Variants in SUCLA2 observed in about 807,000 individuals in gnomAD.
The protein encoded by SUCLA2 is succinate-CoA ligase ADP-forming subunit beta.
A neutral mutation model predicts 54.8 loss-of-function variants in SUCLA2; 30 were observed. That is an observed-to-expected ratio of 0.55 (90% CI 0.41 to 0.74). SUCLA2 has a LOEUF of 0.74. Among genes scored for constraint, SUCLA2 ranks in the 30% least tolerant of loss-of-function variants. SUCLA2 has a pLI of 0.00. For missense variants in SUCLA2, 476 were observed against 562.9 expected (o/e 0.85, Z 1.56); for synonymous variants, 172 against 188.9 (o/e 0.91, Z 0.74).
At chr13:47,994,881 T>C in intron 2 of SUCLA2, 1 of 985,100 alleles carries the variant, frequency 1.0e-6, no homozygotes, top group Non-Finnish European at 1.2e-6. Flanking sequence ...GCACATATTA[T>C]TTCTTTCTTC....
chr13:47,950,697 G>A (rs1949769337), intron 8 of SUCLA2, among the ~76,000 whole-genome samples: 1 of 151,854 alleles, frequency 6.6e-6, no homozygotes, highest in African/African-American at 2.4e-5. Flanking sequence ...GCTATACCAG[G>A]GCTTCTCAAA....
At chr13:47,948,812 G>A (rs184616839) in intron 10 of SUCLA2, 128 bp downstream of exon 10, 16 of 911,204 alleles carry the variant, frequency 1.8e-5, no homozygotes, top group East Asian at 5.0e-5. Flanking sequence ...ATGAATAATC[G>A]TTTTCTTTAA....
chr13:47,997,679 C>CA (rs1174143914), intron 1 of SUCLA2, among the ~76,000 whole-genome samples: 7 of 152,290 alleles, frequency 4.6e-5, no homozygotes, highest in African/African-American at 1.7e-4. Flanking sequence ...AATGACTGGT[C>CA]AATGGAATCA....
At chr13:47,949,285 T>C (rs924538481) in intron 9 of SUCLA2, among the ~76,000 whole-genome samples, 198 bp downstream of exon 9, 3 of 152,216 alleles carry the variant, frequency 2.0e-5, no homozygotes, top group Non-Finnish European at 2.9e-5. Context: ...ATAAAAAGTG[T>C]ATCAAATTAT....
At chr13:47,978,502 A>G (rs1950035619) in intron 4 of SUCLA2, among the ~76,000 whole-genome samples, 1 of 152,258 alleles carries the variant, frequency 6.6e-6, no homozygotes, top group Admixed American at 6.5e-5. Flanking sequence ...AACACTTTAT[A>G]CAAAAATTAA....
At chr13:47,963,666 AAAC>A (rs1001771677) in intron 6 of SUCLA2, among the ~76,000 whole-genome samples, 132 of 152,270 alleles carry the variant, frequency 8.7e-4, no homozygotes, top group Non-Finnish European at 1.4e-3. Context: ...ACAAAAAAAA[AAAC>A]AGACATAAAT....
intron 10 of SUCLA2, among the ~76,000 whole-genome samples, 155 bp from the exon 11 acceptor site, chr13:47,943,600 T>C (rs1949702534): frequency 6.6e-6 from 1 of 152,056 alleles, no homozygotes; most frequent in Non-Finnish European, 1.5e-5. Flanking sequence ...CAAATGACAT[T>C]CTCAAAGGAT....
chr13:47,976,740 T>A (rs1950016852), intron 4 of SUCLA2, among the ~76,000 whole-genome samples: 1 of 152,150 alleles, frequency 6.6e-6, no homozygotes, highest in African/African-American at 2.4e-5. Context: ...TTTTGAAATA[T>A]TTGCATTATA....
At position 47,999,663 on chromosome 13, in the gene SUCLA2, C is replaced by T. The variant is rs527335523; in HGVS notation, c.90+1517G>A. Among the ~76,000 whole-genome samples, 10 of 150,952 alleles carry T rather than the reference C, an allele frequency of 6.6e-5. No homozygotes were observed. In the East Asian group the frequency reaches 1.4e-3, roughly 21 times the overall value. ...CGGAGCTTGCAGTGAGCCAAGATCG[C>T]GCCACTGCACTCCAGCCTGGGCGAC... On this transcript the variant is annotated intron_variant, in intron 1 of 10. Transcript: ENST00000646932.
At position 48,001,273 on chromosome 13, in the gene SUCLA2, T is replaced by C. The variant is rs1566095521; in HGVS notation, c.-4A>G. ...CGTAGAACATGGAGGCCGCCATTTC[T>C]GAGTCGGACCCCGTCCCCTCGGCGC... is the stretch of plus-strand genomic sequence containing the variant. On this transcript the variant is annotated 5_prime_UTR_variant, in exon 1 of 11. Transcript: ENST00000646932. The C allele has an allele frequency of 6.3e-7, 1 of 1,593,584 alleles. No individual in the cohort carries two copies.
At chr13:47,972,591 C>T (rs1949976283) in intron 5 of SUCLA2, among the ~76,000 whole-genome samples, 1 of 149,724 alleles carries the variant, frequency 6.7e-6, no homozygotes, top group South Asian at 2.1e-4. Flanking sequence ...ATTGCTTGAT[C>T]CTGGGAGGCG....
rs528273079 is a variant in SUCLA2 at position 47,996,946 on chromosome 13, A to T, written c.168T>A (p.His56Gln). 6.2e-7 allele frequency: 1 copy of T among 1,614,084 alleles called. No homozygotes were observed. The highest frequency in any genetic ancestry group is 2.2e-5 in the East Asian group (1 of 44,864). The change falls in exon 2 of 11, where the codon CAT (histidine) becomes CAA (glutamine). Residue 56 changes from histidine (H) to glutamine (Q), a missense_variant. This residue lies in a region of SUCLA2 where 134 missense variants were observed against 118.7 expected (regional missense o/e 1.13). Transcript: ENST00000646932. ...GCAATAATTCCATACTCATGTATTC[A>T]TGTAGTGAGAGATTCCTTTGCTGTT... The part of the protein sequence containing the change: ...QQQQQRNLSL[H>Q]EYMSMELLQE...
intron 2 of SUCLA2, among the ~76,000 whole-genome samples, chr13:47,993,275 A>G (rs1950163606): frequency 6.6e-6 from 1 of 152,160 alleles, no homozygotes; most frequent in Non-Finnish European, 1.5e-5. Flanking sequence ...TACTAAAATC[A>G]TATTTCCTTG....
chr13:47,998,841 T>C (rs1044655298), intron 1 of SUCLA2, among the ~76,000 whole-genome samples: 3 of 152,186 alleles, frequency 2.0e-5, no homozygotes, highest in Non-Finnish European at 2.9e-5. Flanking sequence ...AATACATACA[T>C]AAAAATTAAT....
intron 10 of SUCLA2, among the ~76,000 whole-genome samples, chr13:47,944,387 G>A (rs181505682): frequency 6.6e-6 from 1 of 152,190 alleles, no homozygotes; most frequent in Admixed American, 6.5e-5. Flanking sequence ...AAACACTGTA[G>A]TCATAATTTA....
At chr13:47,956,235 GAAC>G (rs1307763572) in intron 6 of SUCLA2, among the ~76,000 whole-genome samples, 1 of 151,914 alleles carries the variant, frequency 6.6e-6, no homozygotes, top group Non-Finnish European at 1.5e-5. Flanking sequence ...TAAAACAAGG[GAAC>G]AACATGGAAA....
chr13:47,949,124 C>A, intron 9 of SUCLA2, 96 bp from the exon 10 acceptor site: 1 of 1,177,142 alleles, frequency 8.5e-7, no homozygotes, highest in Non-Finnish European at 1.3e-6. Context: ...AAAACCTCAA[C>A]AGAGGAGACT....
intron 10 of SUCLA2, among the ~76,000 whole-genome samples, chr13:47,946,830 C>T (rs763323520): frequency 1.6e-4 from 24 of 151,678 alleles, no homozygotes; most frequent in Admixed American, 3.9e-4. Flanking sequence ...ATGGCATGAA[C>T]GAAGGTACAA....
intron 10 of SUCLA2, among the ~76,000 whole-genome samples, chr13:47,944,749 G>C (rs982982076): frequency 7.9e-5 from 12 of 152,084 alleles, no homozygotes; most frequent in Non-Finnish European, 4.4e-5. Flanking sequence ...GTTAAATTTT[G>C]TTTACTAGTA....
Sources: allele counts gnomAD v4.1 joint callset (sites outside exome capture counted in the v4.1 genomes callset), GRCh38; gene constraint gnomAD v4.1.1; regional missense constraint gnomAD v4.1.1; transcripts MANE v1.5; gene names NCBI Gene and HGNC (gene_info 2026-07-23, HGNC 2026-07-21).